Variants in WWOX observed in about 807,000 individuals in gnomAD.
The protein encoded by WWOX is WW domain containing oxidoreductase.
In WWOX, 69 loss-of-function variants were observed where a neutral mutation model predicts 46.2. The observed-to-expected ratio is 1.49, with a 90% CI of 1.23 to 1.82. The LOEUF (loss-of-function observed/expected upper bound fraction) is 1.82, where lower values mean the gene tolerates loss of function less well. Among genes scored for constraint, WWOX ranks in the 40% most tolerant of loss-of-function variants. WWOX has a pLI of 0.00. For missense variants in WWOX, 919 were observed against 542.6 expected (o/e 1.69, Z -6.89); for synonymous variants, 359 against 202.6 (o/e 1.77, Z -6.56).
At chr16:78,697,447 A>T (rs2048124422) in intron 8 of WWOX, among the ~76,000 whole-genome samples, 1 of 152,228 alleles carries the variant, frequency 6.6e-6, no homozygotes, top group Non-Finnish European at 1.5e-5. Context: ...CAAAAGGAAC[A>T]GTCAGCAGAG....
At chr16:78,988,031 G>T (rs1252860342) in intron 8 of WWOX, among the ~76,000 whole-genome samples, 3 of 152,118 alleles carry the variant, frequency 2.0e-5, no homozygotes, top group Non-Finnish European at 2.9e-5. Context: ...TGGTCAAGGT[G>T]TAGGGAAACA....
intron 8 of WWOX, among the ~76,000 whole-genome samples, chr16:78,546,892 T>C (rs181332432): frequency 2.0e-5 from 3 of 152,094 alleles, no homozygotes. Flanking sequence ...TTTGGGAGGC[T>C]GAGGCGGGTG....
At chr16:78,621,763 C>T (rs941243259) in intron 8 of WWOX, among the ~76,000 whole-genome samples, 1 of 151,572 alleles carries the variant, frequency 6.6e-6, no homozygotes, top group East Asian at 1.9e-4. Context: ...CACCACCATG[C>T]CTGGCTAATT....
At chr16:78,239,092 T>C (rs943950928) in intron 5 of WWOX, among the ~76,000 whole-genome samples, 3 of 152,168 alleles carry the variant, frequency 2.0e-5, no homozygotes, top group Non-Finnish European at 4.4e-5. Flanking sequence ...TCAGCTGTTG[T>C]GTGTTTCCTC....
intron 8 of WWOX, among the ~76,000 whole-genome samples, chr16:78,661,150 C>T (rs886838841): frequency 6.6e-6 from 1 of 152,128 alleles, no homozygotes; most frequent in African/African-American, 2.4e-5. Flanking sequence ...CAATTAACTT[C>T]ACCAAAATTA....
chr16:78,738,508 T>C (rs1012774090), intron 8 of WWOX, among the ~76,000 whole-genome samples: 4 of 152,118 alleles, frequency 2.6e-5, no homozygotes, highest in African/African-American at 4.8e-5. Context: ...TTTGGGAGTA[T>C]TGGCATATGT....
At chr16:78,367,023 A>G (rs1264357798) in intron 5 of WWOX, among the ~76,000 whole-genome samples, 1 of 124,956 alleles carries the variant, frequency 8.0e-6, no homozygotes, top group African/African-American at 3.2e-5. Context: ...TCTGTTGCCC[A>G]GGCTGGAGTG....
At chr16:78,601,318 G>A (rs2045616668) in intron 8 of WWOX, among the ~76,000 whole-genome samples, 1 of 152,076 alleles carries the variant, frequency 6.6e-6, no homozygotes, top group African/African-American at 2.4e-5. Context: ...TCTATAAACT[G>A]TTGGAGACAG....
intron 6 of WWOX, among the ~76,000 whole-genome samples, chr16:78,407,295 C>T (rs2082570805): frequency 2.0e-5 from 3 of 152,156 alleles, no homozygotes; most frequent in Admixed American, 6.5e-5. Flanking sequence ...TGAAGTCTTG[C>T]AGCTTAGTTG....
intron 8 of WWOX, among the ~76,000 whole-genome samples, chr16:78,726,344 G>T (rs2048836851): frequency 6.6e-6 from 1 of 151,782 alleles, no homozygotes; most frequent in Admixed American, 6.6e-5. Context: ...CCCCACCTCA[G>T]CCTCCCGGGT....
intron 4 of WWOX, among the ~76,000 whole-genome samples, chr16:78,121,914 A>G (rs974846329): frequency 3.3e-5 from 5 of 151,594 alleles, no homozygotes; most frequent in Admixed American, 6.6e-5. Context: ...GCTTGCCTCA[A>G]CCTCCCCAAA....
In WWOX at chr16:78,121,677, T is replaced by C. The variant is rs562004981; in HGVS notation, c.409+6523T>C. On this transcript the variant is annotated intron_variant, in intron 4 of 8. Coordinates refer to ENST00000566780, the MANE Select transcript of WWOX (RefSeq NM_016373.4). The stretch of plus-strand genomic sequence containing the variant: ...TCCGTGGTGTTTCAGTTTTTTTTTT[T>C]TTGAGTCAGAGTATTACTCTGTTGC... 2.6e-4 allele frequency among the ~76,000 whole-genome samples: 39 copies of C among 152,202 alleles called. No homozygotes were observed. The South Asian group carries it at 8.1e-3, about 32-fold the overall frequency.
chr16:79,121,889 T>TG (rs2049640236), intron 8 of WWOX, among the ~76,000 whole-genome samples: 1 of 152,052 alleles, frequency 6.6e-6, no homozygotes, highest in African/African-American at 2.4e-5. Flanking sequence ...GTGTGTGTGT[T>TG]TGTGTTTTTT....
intron 8 of WWOX, among the ~76,000 whole-genome samples, chr16:78,828,422 C>A (rs2051722083): frequency 1.3e-5 from 2 of 152,202 alleles, no homozygotes; most frequent in Admixed American, 1.3e-4. Context: ...AGGATTCTAC[C>A]ACCATCGTCA....
At chr16:78,861,567 C>G (rs758305097) in intron 8 of WWOX, among the ~76,000 whole-genome samples, 13 of 152,212 alleles carry the variant, frequency 8.5e-5, no homozygotes, top group South Asian at 4.1e-4. Flanking sequence ...TTTTGAGTAA[C>G]TAAAAGTAAG....
intron 8 of WWOX, among the ~76,000 whole-genome samples, chr16:79,073,149 C>T (rs1025443310): frequency 3.2e-5 from 3 of 92,606 alleles, no homozygotes; most frequent in East Asian, 3.1e-4. Context: ...AGTAGTTATT[C>T]GTTATTATTA....
intron 8 of WWOX, among the ~76,000 whole-genome samples, chr16:78,775,714 T>C (rs2050173959): frequency 6.6e-6 from 1 of 152,204 alleles, no homozygotes; most frequent in African/African-American, 2.4e-5. Context: ...CAGGTGTTCA[T>C]TCAATGGTGG....
At chr16:78,258,226 C>T (rs2038182018) in intron 5 of WWOX, among the ~76,000 whole-genome samples, 1 of 152,214 alleles carries the variant, frequency 6.6e-6, no homozygotes, top group East Asian at 1.9e-4. Flanking sequence ...CATATCATAG[C>T]ATTAATAACA....
intron 8 of WWOX, among the ~76,000 whole-genome samples, chr16:78,971,851 T>C (rs2151324065): frequency 6.6e-6 from 1 of 152,192 alleles, no homozygotes; most frequent in South Asian, 2.1e-4. Context: ...AGCTAGTTCA[T>C]TTTTCTTCCT....
Sources: gnomAD v4.1 joint callset for allele counts (sites outside exome capture counted in the v4.1 genomes callset) on GRCh38, gnomAD v4.1.1 for gene constraint, MANE v1.5 for transcripts, NCBI Gene and HGNC (gene_info 2026-07-23, HGNC 2026-07-21) for gene names.